KDF1: variants seen among roughly 807,000 people sequenced by gnomAD.
KDF1 encodes RP11-344H11.3.
A neutral mutation model predicts 31.6 loss-of-function variants in KDF1; 11 were observed. The ratio of observed to expected loss-of-function variants is 0.35; its 90% confidence interval spans 0.22 to 0.58. KDF1 has a LOEUF of 0.58. Among genes scored for constraint, KDF1 ranks in the 20% least tolerant of loss-of-function variants. The pLI, the probability that KDF1 is intolerant of heterozygous loss-of-function variation, is 0.83. For synonymous variants in KDF1, 205 were observed against 214.4 expected, an observed-to-expected ratio of 0.96 and a Z score of 0.38; for missense variants, 476 against 549.1, an observed-to-expected ratio of 0.87 and a Z score of 1.33.
At position 26,951,628 on chromosome 1, in the gene KDF1, G is replaced by A. The variant is rs1057519508; in HGVS notation, c.753C>T (p.Phe251=). ...CCAGCTCATCGATCTGGTGTACGCT[G>A]AACAGCTCTGTCAGCTTCTTGAAGA... ...VLIFKKLTEL[F]SVHQIDELAK... is the part of the protein sequence containing the mutation. The change falls in exon 2 of 4, where the codon TTC becomes TTT. Residue 251 remains phenylalanine (F), a synonymous_variant. Transcript: ENST00000320567. This position sits in a 1 kb window ranked among gnomAD's most constrained non-coding sequence, Gnocchi z 5.4. 2.5e-6 allele frequency: 4 copies of A among 1,613,934 alleles called. No homozygotes were observed. The highest frequency in any genetic ancestry group is 1.3e-5 in the African/African-American group (1 of 75,050).
rs571752256 is a variant in KDF1 at position 26,952,603 on chromosome 1, C to G, written c.-32-191G>C. On this transcript the variant is annotated intron_variant, in intron 1 of 3. Transcript: ENST00000320567. This position sits in a 1 kb window ranked among gnomAD's most constrained non-coding sequence, Gnocchi z 4.1. ...CCAAAAACCCTTATCTCTTGTGGCC[C>G]TCCCTCCACAAAGAGAAAGTCTCTG... Among the ~76,000 whole-genome samples the G allele has an allele frequency of 8.6e-5, 13 of 151,368 alleles. No homozygotes were observed. The highest frequency in any genetic ancestry group is 3.2e-4 in the African/African-American group (13 of 40,772).
Position 26,950,903 on chromosome 1 carries a change from A to G in KDF1, c.1040-147T>C. 1 of 724,322 alleles carries G rather than the reference A, an allele frequency of 1.4e-6. No individual in the cohort carries two copies. The highest frequency in any genetic ancestry group is 2.4e-6 in the Non-Finnish European group (1 of 424,638). The allele number at this position is 724,322 out of a possible 1,614,324, so 44.9% of individuals were successfully genotyped here. A position where few individuals can be genotyped will look rare whatever the true frequency, so the allele number is the denominator to read the frequency against. On this transcript the variant is annotated intron_variant, in intron 2 of 3. Coordinates refer to ENST00000320567, the MANE Select transcript of KDF1 (RefSeq NM_152365.3). The surrounding 1 kb of genome is among the most constrained non-coding windows in gnomAD (Gnocchi z 4.0). Reference sequence around the variant, plus strand: ...ATGCTTAAAGACAGAGACATAGACAACGTGTGCATGCGCAGAGTGATGGAT... The same window carrying G: ...ATGCTTAAAGACAGAGACATAGACAGCGTGTGCATGCGCAGAGTGATGGAT...
Position 26,951,754 on chromosome 1 carries a change from A to G in KDF1, c.627T>C (p.Ser209=). ...RHSLPSTFAS[S]PRGSEEYYSF... ...AATAGTACTCCTCGGAGCCACGAGG[A>G]CTACTGGCAAAGGTGCTGGGCAGGC... Residue 209 remains serine (S), a synonymous_variant, in exon 2 of 4, where the codon AGT becomes AGC. Transcript: ENST00000320567. The surrounding 1 kb of genome is among the most constrained non-coding windows in gnomAD (Gnocchi z 5.4). 1 of 1,614,038 alleles carries G rather than the reference A, an allele frequency of 6.2e-7. No individual in the cohort carries two copies. The highest frequency in any genetic ancestry group is 1.3e-5 in the African/African-American group (1 of 75,018).
At position 26,952,016 on chromosome 1, in the gene KDF1, G is replaced by T; in HGVS notation, c.365C>A (p.Thr122Asn). 6.2e-7 allele frequency: 1 copy of T among 1,613,206 alleles called. No homozygotes were observed. Among genetic ancestry groups the T allele is most frequent in the Non-Finnish European group, 8.5e-7 (1 of 1,179,612 alleles). ...CLSTEDSTEG[T>N]AEANWAKEHN... ...CTCCTTGGCCCAGTTGGCTTCAGCA[G>T]TCCCCTCAGTGGAGTCCTCAGTAGA... The change falls in exon 2 of 4, where the codon ACT (threonine) becomes AAT (asparagine). Residue 122 changes from threonine (T) to asparagine (N), a missense_variant. Thr to Asn is a moderately conservative substitution (Grantham distance 65). Transcript: ENST00000320567. This position sits in a 1 kb window ranked among gnomAD's most constrained non-coding sequence, Gnocchi z 4.1.
chr1:26,959,615 G>T (rs139147556), intron 1 of KDF1, among the ~76,000 whole-genome samples: 2 of 151,990 alleles, frequency 1.3e-5, no homozygotes, highest in Non-Finnish European at 2.9e-5. Flanking sequence ...GGGTCAGAGG[G>T]TCCCGGCCCG....
intron 1 of KDF1, among the ~76,000 whole-genome samples, chr1:26,957,011 C>T (rs564759868): frequency 6.6e-6 from 1 of 152,306 alleles, no homozygotes; most frequent in Admixed American, 6.5e-5. Flanking sequence ...AATGAAGCCT[C>T]AAACAACAGG....
At chr1:26,954,827 C>A (rs2082369599) in intron 1 of KDF1, among the ~76,000 whole-genome samples, 1 of 134,640 alleles carries the variant, frequency 7.4e-6, no homozygotes, top group Non-Finnish European at 1.6e-5. Context: ...AGTGGCAAGA[C>A]TCTGTCTCAA....
chr1:26,951,361 G>A lies in KDF1; in HGVS notation c.1020C>T (p.Gly340=). Residue 340 remains glycine (G), a synonymous_variant, in exon 2 of 4, where the codon GGC becomes GGT. Coordinates refer to ENST00000320567, the MANE Select transcript of KDF1 (RefSeq NM_152365.3). The surrounding 1 kb of genome is among the most constrained non-coding windows in gnomAD (Gnocchi z 5.4). The part of the protein sequence containing the change: ...APDSGHETMV[G]SGLSQDELTV... Reference sequence around the variant, plus strand: ...ACCTACCATCCTGGCTGAGACCTGAGCCCACCATGGTCTCATGGCCACTGT... The same window carrying A: ...ACCTACCATCCTGGCTGAGACCTGAACCCACCATGGTCTCATGGCCACTGT... 6.3e-7 allele frequency: 1 copy of A among 1,584,598 alleles called. No homozygotes were observed.
At chr1:26,957,627 G>A (rs2082382882) in intron 1 of KDF1, among the ~76,000 whole-genome samples, 1 of 152,140 alleles carries the variant, frequency 6.6e-6, no homozygotes, top group Admixed American at 6.6e-5. Flanking sequence ...GTGAGGGAGA[G>A]AGTGAAATCC....
At chr1:26,958,800 G>C (rs2082388467) in intron 1 of KDF1, among the ~76,000 whole-genome samples, 1 of 152,182 alleles carries the variant, frequency 6.6e-6, no homozygotes, top group Middle Eastern at 3.2e-3. Flanking sequence ...CTGTCTTCCA[G>C]GCTCAAGCCT....
At position 26,950,215 on chromosome 1, in the gene KDF1, A is replaced by G; in HGVS notation, c.1115-64T>C. 6.9e-7 allele frequency: 1 copy of G among 1,451,052 alleles called. No individual in the cohort carries two copies. The highest frequency in any genetic ancestry group is 9.7e-7 in the Non-Finnish European group (1 of 1,033,180). 89.9% of individuals were successfully genotyped at this position (1,451,052 alleles called of 1,614,324 possible). ...GGAAGGAGCTCATCCAGATCCCATG[A>G]CCAGGGAGAAGCCTGCTGAGAAGGA... On this transcript the variant is annotated intron_variant, in intron 3 of 3. Transcript: ENST00000320567. The surrounding 1 kb of genome is among the most constrained non-coding windows in gnomAD (Gnocchi z 4.0).
At position 26,951,211 on chromosome 1, in the gene KDF1, GAC is replaced by G; in HGVS notation, c.1039+129_1039+130del. On this transcript the variant is annotated intron_variant, in intron 2 of 3. Coordinates refer to ENST00000320567, the MANE Select transcript of KDF1 (RefSeq NM_152365.3). This position sits in a 1 kb window ranked among gnomAD's most constrained non-coding sequence, Gnocchi z 5.4. ...GCTGGGGAGAGGGGATGCAAGAGTT[GAC>G]AGAAAGGAGGAGGAAAGGCAGGGAC... 2.0e-6 allele frequency: 2 copies of G among 1,017,036 alleles called. No individual in the cohort carries two copies. The highest frequency in any genetic ancestry group is 2.8e-6 in the Non-Finnish European group (2 of 718,204). The allele number at this position is 1,017,036 out of a possible 1,614,324, so 63.0% of individuals were successfully genotyped here. A position where few individuals can be genotyped will look rare whatever the true frequency, so the allele number is the denominator to read the frequency against.
At chr1:26,958,412 C>T (rs899853557) in intron 1 of KDF1, among the ~76,000 whole-genome samples, 2 of 152,214 alleles carry the variant, frequency 1.3e-5, no homozygotes, top group East Asian at 3.9e-4. Flanking sequence ...GGATTACAGG[C>T]GTGAGCCACC....
chr1:26,950,217 C>G lies in KDF1; in HGVS notation c.1115-66G>C. Reference sequence around the variant, plus strand: ...AAGGAGCTCATCCAGATCCCATGACCAGGGAGAAGCCTGCTGAGAAGGAGC... The same window carrying G: ...AAGGAGCTCATCCAGATCCCATGACGAGGGAGAAGCCTGCTGAGAAGGAGC... On this transcript the variant is annotated intron_variant, in intron 3 of 3. Coordinates refer to ENST00000320567, the MANE Select transcript of KDF1 (RefSeq NM_152365.3). The surrounding 1 kb of genome is among the most constrained non-coding windows in gnomAD (Gnocchi z 4.0). The G allele has an allele frequency of 7.0e-7, 1 of 1,437,112 alleles. No homozygotes were observed. Among genetic ancestry groups the G allele is most frequent in the Non-Finnish European group, 9.8e-7 (1 of 1,020,838 alleles). The allele number at this position is 1,437,112 out of a possible 1,614,324, so 89.0% of individuals were successfully genotyped here.
chr1:26,951,964 A>C lies in KDF1; in HGVS notation c.417T>G (p.Asp139Glu), dbSNP rs1323198695. Reference protein sequence around the residue: ...KEHNGVPPSPDRAPPSRRDGQ... With the variant: ...KEHNGVPPSPERAPPSRRDGQ... ...CATCCCGCCGGCTGGGGGGTGCACG[A>C]TCAGGGCTGGGGGGCACTCCATTGT... Residue 139 changes from aspartate (D) to glutamate (E), a missense_variant, in exon 2 of 4, where the codon GAT becomes GAG. Transcript: ENST00000320567. This position sits in a 1 kb window ranked among gnomAD's most constrained non-coding sequence, Gnocchi z 5.4. 6 of 1,606,672 alleles carry C rather than the reference A, an allele frequency of 3.7e-6. No individual in the cohort carries two copies. The highest frequency in any genetic ancestry group is 5.1e-6 in the Non-Finnish European group (6 of 1,174,846).
At chr1:26,953,010 AAAAG>A (rs2082360147) in intron 1 of KDF1, among the ~76,000 whole-genome samples, 1 of 152,100 alleles carries the variant, frequency 6.6e-6, no homozygotes, top group East Asian at 1.9e-4. Flanking sequence ...GAAAAAGAAA[AAAAG>A]AAAGGTTGAA....
intron 1 of KDF1, among the ~76,000 whole-genome samples, chr1:26,956,924 A>ATTTAT (rs936735290): frequency 6.6e-6 from 1 of 152,040 alleles, no homozygotes; most frequent in Non-Finnish European, 1.5e-5. Context: ...CAGTTCTTTT[A>ATTTAT]TTTATTTTAT....
rs149923441 is a variant in KDF1, at chr1:26,960,427, T to A, written c.-110A>T. 2.6e-5 allele frequency: 4 copies of A among 151,330 alleles called. No individual in the cohort carries two copies. Among genetic ancestry groups the A allele is most frequent in the African/African-American group, 4.9e-5 (2 of 41,232 alleles). The allele number at this position is 151,330 out of a possible 1,614,324, so 9.4% of individuals were successfully genotyped here. A position where few individuals can be genotyped will look rare whatever the true frequency, so the allele number is the denominator to read the frequency against. On this transcript the variant is annotated 5_prime_UTR_variant, in exon 1 of 4. Coordinates refer to ENST00000320567, the MANE Select transcript of KDF1 (RefSeq NM_152365.3). The surrounding 1 kb of genome is among the most constrained non-coding windows in gnomAD (Gnocchi z 4.9). ...CGCTCACCTGGGGCGCAGGTGAGCG[T>A]CTCGCGGGAGCGCTGCACGGGCCGC... is the stretch of plus-strand genomic sequence containing the variant.
chr1:26,956,275 G>A (rs2082376989), intron 1 of KDF1, among the ~76,000 whole-genome samples: 1 of 152,112 alleles, frequency 6.6e-6, no homozygotes, highest in Admixed American at 6.6e-5. Context: ...TTTGGCACTT[G>A]GGAAAATTAA....
Sources: gnomAD v4.1 joint callset for allele counts (sites outside exome capture counted in the v4.1 genomes callset) on GRCh38, gnomAD v4.1.1 for gene constraint, Gnocchi (gnomAD v3.1) non-coding constraint, MANE v1.5 for transcripts, NCBI Gene and HGNC (gene_info 2026-07-23, HGNC 2026-07-21) for gene names.